The following ADGRB3 variants were observed in gnomAD, a reference collection of about 807,000 sequenced individuals.
ADGRB3 encodes adhesion G protein-coupled receptor B3.
A neutral mutation model predicts 193.4 loss-of-function variants in ADGRB3; 37 were observed. The observed-to-expected ratio is 0.19, with a 90% CI of 0.15 to 0.25. The LOEUF (loss-of-function observed/expected upper bound fraction) is 0.25, where lower values mean the gene tolerates loss of function less well. Among genes scored for constraint, ADGRB3 ranks in the 10% least tolerant of loss-of-function variants. The pLI, the probability that ADGRB3 is intolerant of heterozygous loss-of-function variation, is 1.00. For synonymous variants in ADGRB3, 690 were observed against 644.2 expected, an observed-to-expected ratio of 1.07 and a Z score of -1.08; for missense variants, 1,637 against 1,852.9, an observed-to-expected ratio of 0.88 and a Z score of 2.14.
At chr6:69,031,537 C>CTT (rs1162389495) in intron 13 of ADGRB3, among the ~76,000 whole-genome samples, 4 of 58,490 alleles carry the variant, frequency 6.8e-5, no homozygotes, top group East Asian at 4.2e-3. Context: ...TTCTTTCTTT[C>CTT]TTTCTTTCTT....
At chr6:68,945,753 A>G (rs900805959) in intron 6 of ADGRB3, among the ~76,000 whole-genome samples, 1 of 152,140 alleles carries the variant, frequency 6.6e-6, no homozygotes, top group African/African-American at 2.4e-5. Context: ...ACTTTCCATT[A>G]ACTTTTCTAG....
intron 17 of ADGRB3, among the ~76,000 whole-genome samples, chr6:69,230,540 T>C (rs1311302286): frequency 2.0e-5 from 3 of 152,188 alleles, no homozygotes; most frequent in Admixed American, 6.5e-5. Context: ...GAATAAGCTA[T>C]GAAAAGTTTG....
chr6:68,983,815 C>T (rs754943661), intron 10 of ADGRB3, among the ~76,000 whole-genome samples: 10 of 151,900 alleles, frequency 6.6e-5, no homozygotes, highest in African/African-American at 1.5e-4. Flanking sequence ...TGTTTGGAAA[C>T]GACTTCAGAT....
intron 17 of ADGRB3, among the ~76,000 whole-genome samples, chr6:69,078,165 T>A (rs1290160091): frequency 1.3e-5 from 2 of 152,048 alleles, no homozygotes; most frequent in Non-Finnish European, 2.9e-5. Context: ...ATTGCAGTAA[T>A]AAAGTTCAAA....
chr6:69,295,602 T>C (rs1167855662), intron 20 of ADGRB3, among the ~76,000 whole-genome samples: 1 of 152,156 alleles, frequency 6.6e-6, no homozygotes, highest in East Asian at 1.9e-4. Flanking sequence ...ACCCACCCAA[T>C]AGAGGAAGGA....
rs532243398 is a variant in ADGRB3 at position 68,921,703 on chromosome 6, AAAAAAT to A, written c.758-8847_758-8842del. Reference sequence around the variant, plus strand: ...CATTTATATCTTCTTGGGCAGTTTTAAAAAATAAAAATAATAAAATATATAATATAA... The same window carrying A: ...CATTTATATCTTCTTGGGCAGTTTTAAAAAATAATAAAATATATAATATAA... On this transcript the variant is annotated intron_variant, in intron 3 of 31. Coordinates refer to ENST00000370598, the MANE Select transcript of ADGRB3 (RefSeq NM_001704.3). Among the ~76,000 whole-genome samples, 461 of 152,022 alleles carry A rather than the reference AAAAAAT, an allele frequency of 3.0e-3. 1 individual carries two copies. The highest frequency in any genetic ancestry group is 0.011 in the African/African-American group (453 of 41,558).
chr6:68,823,944 A>C (rs916403636), intron 3 of ADGRB3, among the ~76,000 whole-genome samples: 1 of 152,070 alleles, frequency 6.6e-6, no homozygotes, highest in African/African-American at 2.4e-5. Flanking sequence ...TGAGAACTTC[A>C]GTTTTTATTT....
At chr6:69,088,738 A>C (rs1772623749) in intron 17 of ADGRB3, among the ~76,000 whole-genome samples, 2 of 152,176 alleles carry the variant, frequency 1.3e-5, no homozygotes, top group Admixed American at 1.3e-4. Flanking sequence ...AGAGAGAAAA[A>C]AGTTTATTTT....
chr6:69,232,698 G>T, intron 17 of ADGRB3: 1 of 1,341,828 alleles, frequency 7.5e-7, no homozygotes, highest in Non-Finnish European at 1.0e-6. Flanking sequence ...TGATGCCGCT[G>T]CTGCTGCTTC....
intron 3 of ADGRB3, among the ~76,000 whole-genome samples, chr6:68,700,496 T>A (rs1765225001): frequency 6.6e-6 from 1 of 152,110 alleles, no homozygotes; most frequent in South Asian, 2.1e-4. Context: ...ATTTTTCTCC[T>A]CTAACTTCTG....
At chr6:68,752,246 G>C (rs1456771442) in intron 3 of ADGRB3, among the ~76,000 whole-genome samples, 2 of 150,886 alleles carry the variant, frequency 1.3e-5, no homozygotes, top group Non-Finnish European at 1.5e-5. Context: ...CCCAATAATG[G>C]TGATGGATTT....
chr6:68,706,219 A>G (rs1765323692), intron 3 of ADGRB3, among the ~76,000 whole-genome samples: 1 of 152,070 alleles, frequency 6.6e-6, no homozygotes, highest in Non-Finnish European at 1.5e-5. Context: ...GAGCAAAGAG[A>G]AGAAGGAACA....
intron 14 of ADGRB3, among the ~76,000 whole-genome samples, chr6:69,049,022 T>C (rs1771317709): frequency 6.6e-6 from 1 of 152,116 alleles, no homozygotes. Flanking sequence ...AATTAAACTC[T>C]TAAATGGAGA....
Position 69,227,045 on chromosome 6 carries a change from A to AT in ADGRB3, c.2481-6239dup, listed in dbSNP as rs757203111. Among the ~76,000 whole-genome samples the AT allele has an allele frequency of 1.9e-4, 29 of 152,290 alleles. 1 individual carries two copies. The East Asian group carries it at 3.5e-3, about 18-fold the overall frequency. ...GAAGTGTTAAATATAATTTGTAGCC[A>AT]TTTTTTACCTACTACAGATGGGAAG... is the stretch of plus-strand genomic sequence containing the variant. On this transcript the variant is annotated intron_variant, in intron 17 of 31. Coordinates refer to ENST00000370598, the MANE Select transcript of ADGRB3 (RefSeq NM_001704.3).
At chr6:69,262,814 G>A (rs1276312861) in intron 20 of ADGRB3, among the ~76,000 whole-genome samples, 1 of 150,976 alleles carries the variant, frequency 6.6e-6, no homozygotes, top group African/African-American at 2.5e-5. Flanking sequence ...CCATAGGTAT[G>A]TATGTGTCAT....
At chr6:69,378,026 T>C (rs996033782) in intron 30 of ADGRB3, among the ~76,000 whole-genome samples, 16 of 152,112 alleles carry the variant, frequency 1.1e-4, no homozygotes, top group Admixed American at 5.9e-4. Flanking sequence ...CTGGCCTATA[T>C]GTCTATGCTG....
intron 26 of ADGRB3, among the ~76,000 whole-genome samples, chr6:69,341,745 TTAAG>T (rs1426578734): frequency 6.6e-6 from 1 of 152,224 alleles, no homozygotes; most frequent in East Asian, 1.9e-4. Context: ...TTGCTAATAA[TTAAG>T]TAACAAGATT....
At chr6:68,872,180 C>T (rs1765479948) in intron 3 of ADGRB3, among the ~76,000 whole-genome samples, 1 of 152,098 alleles carries the variant, frequency 6.6e-6, no homozygotes, top group Admixed American at 6.5e-5. Flanking sequence ...GCAATGTTTA[C>T]AGTATTTGCA....
At chr6:68,764,891 A>C (rs1243550947) in intron 3 of ADGRB3, among the ~76,000 whole-genome samples, 1 of 152,200 alleles carries the variant, frequency 6.6e-6, no homozygotes, top group Non-Finnish European at 1.5e-5. Context: ...AACTTCATTA[A>C]CAAAGTGTTT....
Sources: gnomAD v4.1 joint callset for allele counts (sites outside exome capture counted in the v4.1 genomes callset) on GRCh38, gnomAD v4.1.1 for gene constraint, MANE v1.5 for transcripts, NCBI Gene and HGNC (gene_info 2026-07-23, HGNC 2026-07-21) for gene names.